The following C10orf90 variants were observed in gnomAD, a reference collection of about 807,000 sequenced individuals.
The protein encoded by C10orf90 is chromosome 10 open reading frame 90.
A neutral mutation model predicts 62.5 loss-of-function variants in C10orf90; 56 were observed. The observed-to-expected ratio is 0.90, with a 90% confidence interval of 0.72 to 1.12. C10orf90 has a LOEUF of 1.12. Among genes scored for constraint, C10orf90 ranks in the 50% most tolerant of loss-of-function variants. C10orf90 has a pLI of 0.00. For synonymous variants in C10orf90, 386 were observed against 340.4 expected (o/e 1.13, Z -1.47); for missense variants, 970 against 880.4 (o/e 1.10, Z -1.29).
At chr10:126,562,732 C>T (rs765252330) in intron 2 of C10orf90, among the ~76,000 whole-genome samples, 2 of 152,226 alleles carry the variant, frequency 1.3e-5, no homozygotes, top group Non-Finnish European at 2.9e-5. Context: ...AGGCCTATAA[C>T]CCACCTGACA....
chr10:126,476,052 AG>A (rs1245385812), intron 4 of C10orf90, among the ~76,000 whole-genome samples: 1 of 152,106 alleles, frequency 6.6e-6, no homozygotes, highest in African/African-American at 2.4e-5. Flanking sequence ...TCCTCCCTCC[AG>A]CCCCGTCAGA....
chr10:126,444,248 G>A (rs1858592594), intron 7 of C10orf90, among the ~76,000 whole-genome samples: 1 of 151,988 alleles, frequency 6.6e-6, no homozygotes, highest in Non-Finnish European at 1.5e-5. Flanking sequence ...GTTTGCTGAT[G>A]ATAAGATCAT....
At chr10:126,567,204 G>T (rs1008266345) in intron 2 of C10orf90, among the ~76,000 whole-genome samples, 1 of 152,138 alleles carries the variant, frequency 6.6e-6, no homozygotes, top group Non-Finnish European at 1.5e-5. Flanking sequence ...ACTGGCTCAC[G>T]GTTCTGCAGG....
chr10:126,483,918 C>T (rs983804986), intron 4 of C10orf90, among the ~76,000 whole-genome samples: 2 of 152,144 alleles, frequency 1.3e-5, no homozygotes, highest in Non-Finnish European at 2.9e-5. Flanking sequence ...GTTGCTTCCA[C>T]CCTGGGATGC....
chr10:126,481,653 A>C (rs1590982394), intron 4 of C10orf90, among the ~76,000 whole-genome samples: 1 of 152,292 alleles, frequency 6.6e-6, no homozygotes, highest in East Asian at 1.9e-4. Context: ...GGCAGGTACC[A>C]GCGTTGGGGC....
intron 2 of C10orf90, among the ~76,000 whole-genome samples, chr10:126,624,035 A>G (rs1314316812): frequency 2.0e-5 from 3 of 152,116 alleles, no homozygotes; most frequent in East Asian, 1.9e-4. Flanking sequence ...TTGCTGGTCA[A>G]CTCAGCAAAT....
chr10:126,581,905 C>T (rs996146135), intron 2 of C10orf90, among the ~76,000 whole-genome samples: 45 of 152,206 alleles, frequency 3.0e-4, no homozygotes, highest in Admixed American at 2.6e-3. Context: ...TACTGCTGCA[C>T]AGTGGCAGCA....
intron 4 of C10orf90, among the ~76,000 whole-genome samples, chr10:126,497,480 A>T (rs7898961): frequency 0.53 from 80,260 of 152,068 alleles, 22,392 homozygotes; most frequent in African/African-American, 0.72. Flanking sequence ...AGAATCGACC[A>T]GAGAAGCTGG....
chr10:126,540,486 C>G (rs1225908784), intron 2 of C10orf90, among the ~76,000 whole-genome samples: 1 of 151,946 alleles, frequency 6.6e-6, no homozygotes, highest in Non-Finnish European at 1.5e-5. Flanking sequence ...CAGTGAGATC[C>G]CATCTCTACA....
intron 2 of C10orf90, among the ~76,000 whole-genome samples, chr10:126,562,335 C>T (rs1323567678): frequency 6.6e-6 from 1 of 152,184 alleles, no homozygotes; most frequent in Admixed American, 6.5e-5. Flanking sequence ...AAGGCTGGGC[C>T]TCTCCCTAGA....
chr10:126,587,734 C>G (rs1417518484), intron 2 of C10orf90, among the ~76,000 whole-genome samples: 1 of 152,188 alleles, frequency 6.6e-6, no homozygotes, highest in Non-Finnish European at 1.5e-5. Context: ...ACTTATTAAA[C>G]ATTTAGTAAT....
At position 126,504,724 on chromosome 10, in the gene C10orf90, G is replaced by A. The variant is rs777945531; in HGVS notation, c.767C>T (p.Ala256Val). The A allele has an allele frequency of 2.3e-5, 37 of 1,606,312 alleles. No homozygotes were observed. The highest frequency in any genetic ancestry group is 3.1e-5 in the Non-Finnish European group (37 of 1,175,446). Residue 256 changes from alanine to valine, a missense_variant, in exon 4 of 10, where the codon GCT (alanine) becomes GTT (valine). Coordinates refer to ENST00000488181, the MANE Select transcript of C10orf90 (RefSeq NM_001350921.2). The surrounding 1 kb of genome is among the most constrained non-coding windows in gnomAD (Gnocchi z 4.1). The part of the protein sequence containing the change: ...PPARALVWGT[A>V]GDSLCPKCRA... Reference sequence around the variant, plus strand: ...GCACTTGGGGCACAGAGAGTCCCCAGCAGTCCCCCACACCAGGGCGCGGGC... The same window carrying A: ...GCACTTGGGGCACAGAGAGTCCCCAACAGTCCCCCACACCAGGGCGCGGGC...
intron 7 of C10orf90, among the ~76,000 whole-genome samples, chr10:126,440,046 AG>A (rs935405788): frequency 4.2e-4 from 64 of 152,320 alleles, no homozygotes; most frequent in Middle Eastern, 3.4e-3. Context: ...CCAGTTAAGA[AG>A]CCTCCTGGCA....
intron 2 of C10orf90, among the ~76,000 whole-genome samples, chr10:126,643,940 T>C (rs958781108): frequency 1.3e-5 from 2 of 152,214 alleles, no homozygotes; most frequent in African/African-American, 4.8e-5. Flanking sequence ...AGGTGGCTGC[T>C]TAGCCCTCCT....
intron 1 of C10orf90, among the ~76,000 whole-genome samples, chr10:126,648,509 CA>C (rs1440031695): frequency 9.2e-5 from 14 of 152,198 alleles, no homozygotes; most frequent in African/African-American, 3.4e-4. Context: ...CTATATCTGG[CA>C]ATACTTATAT....
chr10:126,485,104 A>G (rs1030407642), intron 4 of C10orf90, among the ~76,000 whole-genome samples: 1 of 152,178 alleles, frequency 6.6e-6, no homozygotes, highest in Admixed American at 6.5e-5. Context: ...TCTGGGAGGT[A>G]ATTAGGTCAT....
chr10:126,484,671 G>A (rs1286143095), intron 4 of C10orf90, among the ~76,000 whole-genome samples: 2 of 152,054 alleles, frequency 1.3e-5, no homozygotes, highest in African/African-American at 4.8e-5. Flanking sequence ...AGAATCCAAA[G>A]CCTTAAAAAT....
At chr10:126,597,548 A>G (rs1220360918) in intron 2 of C10orf90, among the ~76,000 whole-genome samples, 1 of 152,208 alleles carries the variant, frequency 6.6e-6, no homozygotes, top group Non-Finnish European at 1.5e-5. Flanking sequence ...TTGCATTTTA[A>G]AAAGACAATT....
chr10:126,642,314 C>T (rs548935505), intron 2 of C10orf90, among the ~76,000 whole-genome samples: 28 of 152,206 alleles, frequency 1.8e-4, no homozygotes, highest in East Asian at 1.7e-3. Context: ...GGGCAGATCA[C>T]GAGGTCGGGA....
Sources: gnomAD v4.1 joint callset for allele counts (sites outside exome capture counted in the v4.1 genomes callset) on GRCh38, gnomAD v4.1.1 for gene constraint, Gnocchi (gnomAD v3.1) non-coding constraint, MANE v1.5 for transcripts, NCBI Gene and HGNC (gene_info 2026-07-23, HGNC 2026-07-21) for gene names.